Variants in CATSPERB observed in about 807,000 individuals in gnomAD.
CATSPERB encodes cation channel sperm-associated auxiliary subunit beta.
CATSPERB carries 93 observed loss-of-function variants against 128.3 expected under a neutral mutation model. That is an observed-to-expected ratio of 0.72 (90% CI 0.61 to 0.86). The LOEUF (loss-of-function observed/expected upper bound fraction) is 0.86. Ranked by LOEUF, CATSPERB falls within the 40% of genes least tolerant of loss-of-function variation. The pLI is 0.00. For synonymous variants in CATSPERB, 381 were observed against 448.8 expected (o/e 0.85, Z 1.91); for missense variants, 1,153 against 1,329.5 (o/e 0.87, Z 2.06).
intron 20 of CATSPERB, among the ~76,000 whole-genome samples, chr14:91,612,179 C>T (rs1893846951): frequency 6.6e-6 from 1 of 152,074 alleles, no homozygotes; most frequent in Admixed American, 6.6e-5. Flanking sequence ...CTCACCTCAG[C>T]TTCCTGAGTA....
intron 22 of CATSPERB, among the ~76,000 whole-genome samples, chr14:91,601,023 G>A (rs1309210361): frequency 1.3e-5 from 2 of 152,240 alleles, no homozygotes; most frequent in Non-Finnish European, 2.9e-5. Context: ...GTACGAAGGA[G>A]TTGAGAGAAT....
chr14:91,666,823 C>T (rs1328889880), intron 14 of CATSPERB, among the ~76,000 whole-genome samples: 1 of 152,184 alleles, frequency 6.6e-6, no homozygotes, highest in Non-Finnish European at 1.5e-5. Context: ...TGGCCCTCAA[C>T]CCTGCTACTT....
intron 21 of CATSPERB, among the ~76,000 whole-genome samples, chr14:91,609,210 T>C (rs1171908669): frequency 1.3e-5 from 2 of 152,204 alleles, no homozygotes; most frequent in Non-Finnish European, 2.9e-5. Context: ...CTTTTTTTTT[T>C]TGTAATGTCA....
intron 6 of CATSPERB, among the ~76,000 whole-genome samples, chr14:91,705,153 T>C (rs552979524): frequency 5.3e-5 from 8 of 152,236 alleles, no homozygotes; most frequent in Admixed American, 1.3e-4. Flanking sequence ...CAGGGACAGT[T>C]ATCATTAGTG....
intron 21 of CATSPERB, 52 bp from the exon 22 acceptor site, chr14:91,608,456 A>G (rs781103559): frequency 9.4e-7 from 1 of 1,068,624 alleles, no homozygotes; most frequent in Admixed American, 2.1e-5. Context: ...TGAAGTCTTT[A>G]ATTTATAGAT....
At chr14:91,649,362 T>TGTGTGTAG (rs10684529) in intron 15 of CATSPERB, among the ~76,000 whole-genome samples, 90 of 149,804 alleles carry the variant, frequency 6.0e-4, no homozygotes, top group African/African-American at 2.1e-3. Flanking sequence ...TGTGTGTGTG[T>TGTGTGTAG]AGAGATTGTT....
chr14:91,710,341 G>T (rs1057436797), intron 5 of CATSPERB: 3 of 152,118 alleles, frequency 2.0e-5, no homozygotes, highest in Non-Finnish European at 2.9e-5. Flanking sequence ...AATAGATATA[G>T]CTGTAGCCCA....
At chr14:91,647,736 T>C (rs2139812417) in intron 15 of CATSPERB, among the ~76,000 whole-genome samples, 1 of 152,218 alleles carries the variant, frequency 6.6e-6, no homozygotes. Flanking sequence ...CATGATTAAA[T>C]TACCTCCTAC....
intron 5 of CATSPERB, among the ~76,000 whole-genome samples, chr14:91,718,464 C>A (rs976752454): frequency 6.6e-6 from 1 of 152,210 alleles, no homozygotes; most frequent in South Asian, 2.1e-4. Context: ...GAGGGGTTGG[C>A]CTGTATGGTT....
At chr14:91,652,842 C>T (rs12147016) in intron 15 of CATSPERB, among the ~76,000 whole-genome samples, 43,889 of 152,004 alleles carry the variant, frequency 0.29, 7,181 homozygotes, top group Admixed American at 0.48. Context: ...TAGGTTGACA[C>T]AGCTGCTGTC....
chr14:91,586,563 G>GAGAGAA (rs1555358769), intron 26 of CATSPERB, among the ~76,000 whole-genome samples: 41 of 46,766 alleles, frequency 8.8e-4, no homozygotes, highest in South Asian at 4.4e-3. Flanking sequence ...GAGAGAGAGA[G>GAGAGAA]AGAGAGAAAG....
intron 14 of CATSPERB, among the ~76,000 whole-genome samples, chr14:91,665,642 GC>G (rs1894971643): frequency 6.6e-6 from 1 of 152,118 alleles, no homozygotes; most frequent in Non-Finnish European, 1.5e-5. Context: ...GGCGAAAACG[GC>G]CAGATCACTT....
chr14:91,586,571 A>AAGAGAG (rs35756131), intron 26 of CATSPERB, among the ~76,000 whole-genome samples: 16,886 of 114,218 alleles, frequency 0.15, 1,432 homozygotes, highest in Middle Eastern at 0.24. Flanking sequence ...GAGAGAGAGA[A>AAGAGAG]AGAGAGAGAG....
chr14:91,686,387 A>C (rs1256096828), intron 10 of CATSPERB, among the ~76,000 whole-genome samples: 2 of 152,202 alleles, frequency 1.3e-5, no homozygotes, highest in African/African-American at 4.8e-5. Context: ...TGAATGAATA[A>C]ATCATTAAGT....
At chr14:91,722,662 T>C (rs1480215901) in intron 4 of CATSPERB, among the ~76,000 whole-genome samples, 2 of 152,156 alleles carry the variant, frequency 1.3e-5, no homozygotes, top group African/African-American at 2.4e-5. Context: ...TGGAATTATA[T>C]CTTAATAAAG....
chr14:91,643,959 A>T (rs1180851395), intron 15 of CATSPERB, among the ~76,000 whole-genome samples: 1 of 136,896 alleles, frequency 7.3e-6, no homozygotes, highest in Non-Finnish European at 1.6e-5. Flanking sequence ...CTTTACCATT[A>T]TGTAATGGCC....
chr14:91,665,966 C>G (rs1184926092), intron 14 of CATSPERB, among the ~76,000 whole-genome samples: 1 of 152,178 alleles, frequency 6.6e-6, no homozygotes, highest in African/African-American at 2.4e-5. Flanking sequence ...GAGGAAGGAA[C>G]CAGGTGGAAG....
chr14:91,633,303 A>G (rs964306467), intron 17 of CATSPERB, among the ~76,000 whole-genome samples: 2 of 152,230 alleles, frequency 1.3e-5, no homozygotes, highest in Non-Finnish European at 2.9e-5. Context: ...CAAAATATTT[A>G]CTGAAATTGA....
intron 7 of CATSPERB, among the ~76,000 whole-genome samples, chr14:91,701,535 C>T (rs1895648968): frequency 6.6e-6 from 1 of 152,102 alleles, no homozygotes. Flanking sequence ...AATTAGAGGA[C>T]ATTCAGAACT....
Sources: gnomAD v4.1 joint callset for allele counts (sites outside exome capture counted in the v4.1 genomes callset) on GRCh38, gnomAD v4.1.1 for gene constraint, MANE v1.5 for transcripts, NCBI Gene and HGNC (gene_info 2026-07-23, HGNC 2026-07-21) for gene names.